Variants in MCTP1 observed in about 807,000 individuals in gnomAD.
The protein encoded by MCTP1 is multiple C2 and transmembrane domain-containing protein 1.
A neutral mutation model predicts 120.6 loss-of-function variants in MCTP1; 69 were observed. The observed-to-expected ratio is 0.57, with a 90% CI of 0.47 to 0.70. The LOEUF (loss-of-function observed/expected upper bound fraction) is 0.70, where lower values mean the gene tolerates loss of function less well. Ranked by LOEUF, MCTP1 falls within the 30% of genes least tolerant of loss-of-function variation. The probability of loss-of-function intolerance (pLI) is 0.00; values close to 1 mark genes in which losing one functional copy is unlikely to be tolerated. For synonymous variants in MCTP1, 529 were observed against 493.1 expected (o/e 1.07, Z -0.96); for missense variants, 1,203 against 1,248.8 (o/e 0.96, Z 0.55).
intron 12 of MCTP1, among the ~76,000 whole-genome samples, chr5:94,880,091 G>A (rs955592180): frequency 4.6e-5 from 7 of 152,062 alleles, no homozygotes; most frequent in Non-Finnish European, 7.4e-5. Context: ...AGAAGAGGCC[G>A]TGAGAAAATT....
intron 1 of MCTP1, among the ~76,000 whole-genome samples, chr5:95,267,588 A>G (rs1331162494): frequency 6.6e-6 from 1 of 152,242 alleles, no homozygotes; most frequent in Non-Finnish European, 1.5e-5. Flanking sequence ...AGGAAAACAT[A>G]GCTCCAACCT....
intron 2 of MCTP1, among the ~76,000 whole-genome samples, chr5:94,976,246 C>A (rs971231964): frequency 3.3e-5 from 5 of 152,058 alleles, no homozygotes; most frequent in Non-Finnish European, 7.4e-5. Context: ...AAATGGTCAG[C>A]CTGTCCTCGC....
intron 1 of MCTP1, among the ~76,000 whole-genome samples, chr5:95,071,254 G>A (rs1006348748): frequency 5.9e-5 from 9 of 152,188 alleles, no homozygotes; most frequent in Non-Finnish European, 1.2e-4. Context: ...GCCCAAGAGC[G>A]TCTGTCTGAG....
chr5:94,909,416 C>T, intron 9 of MCTP1, 35 bp from the exon 10 acceptor site: 1 of 1,557,502 alleles, frequency 6.4e-7, no homozygotes, highest in Non-Finnish European at 8.6e-7. Flanking sequence ...ATATTGCTAG[C>T]AGCTTTTTAA....
chr5:95,064,150 T>C (rs945836678), intron 1 of MCTP1, among the ~76,000 whole-genome samples: 1 of 152,236 alleles, frequency 6.6e-6, no homozygotes, highest in Non-Finnish European at 1.5e-5. Flanking sequence ...GTACATGCTT[T>C]AGGGTTGACA....
At chr5:95,000,920 T>C (rs1202248185) in intron 2 of MCTP1, among the ~76,000 whole-genome samples, 1 of 152,196 alleles carries the variant, frequency 6.6e-6, no homozygotes, top group Non-Finnish European at 1.5e-5. Flanking sequence ...GTTGATATTG[T>C]TTGGCTTTTT....
intron 2 of MCTP1, among the ~76,000 whole-genome samples, chr5:95,006,122 G>A (rs1834693361): frequency 6.6e-6 from 1 of 152,130 alleles, no homozygotes; most frequent in Non-Finnish European, 1.5e-5. Flanking sequence ...ACAGACAGTG[G>A]CCTGGCTGGG....
intron 1 of MCTP1, among the ~76,000 whole-genome samples, chr5:95,140,797 G>A (rs368451513): frequency 8.1e-4 from 115 of 141,450 alleles, no homozygotes; most frequent in African/African-American, 1.5e-3. Context: ...GGAGAATGGC[G>A]TGAACCCAGG....
intron 1 of MCTP1, among the ~76,000 whole-genome samples, chr5:95,234,562 T>G (rs1291593327): frequency 1.3e-5 from 2 of 152,202 alleles, no homozygotes; most frequent in Admixed American, 6.5e-5. Context: ...AACGCAGTTA[T>G]TGCTGTGAGT....
At chr5:94,819,198 G>A (rs959099219) in intron 17 of MCTP1, among the ~76,000 whole-genome samples, 8 of 151,018 alleles carry the variant, frequency 5.3e-5, no homozygotes, top group East Asian at 3.9e-4. Flanking sequence ...GCACGATCTC[G>A]GCTCACTGAA....
chr5:94,878,320 C>T (rs1581158462), intron 12 of MCTP1, among the ~76,000 whole-genome samples: 1 of 152,168 alleles, frequency 6.6e-6, no homozygotes, highest in East Asian at 1.9e-4. Context: ...CTGACCTAAA[C>T]ATATTTTAAA....
intron 1 of MCTP1, among the ~76,000 whole-genome samples, chr5:95,155,646 C>A (rs1306037184): frequency 1.3e-5 from 2 of 151,924 alleles, no homozygotes; most frequent in East Asian, 3.9e-4. Context: ...AATATAGCAA[C>A]CTATACACAA....
chr5:94,888,824 G>T, intron 12 of MCTP1, 55 bp downstream of exon 12: 1 of 1,055,890 alleles, frequency 9.5e-7, no homozygotes, highest in Non-Finnish European at 1.5e-6. Flanking sequence ...ATTAAATGGT[G>T]TAGACCTTGT....
chr5:95,266,782 C>T lies in MCTP1; in HGVS notation c.720+17074G>A, dbSNP rs564699314. ...AAAGCAGAGATTGGCAAACCTCAGT[C>T]GGGCAGGGCTTGGTACAATTTCTGA... On this transcript the variant is annotated intron_variant, in intron 1 of 22. Coordinates refer to ENST00000515393, the MANE Select transcript of MCTP1 (RefSeq NM_024717.7). Among the ~76,000 whole-genome samples, 9 of 152,260 alleles carry T rather than the reference C, an allele frequency of 5.9e-5. No individual in the cohort carries two copies. In the South Asian group the frequency reaches 1.2e-3, roughly 21 times the overall value.
chr5:95,220,335 CT>C (rs554157258), intron 1 of MCTP1, among the ~76,000 whole-genome samples: 349 of 142,448 alleles, frequency 2.5e-3, no homozygotes, highest in Admixed American at 3.9e-3. Context: ...TTTCTTCTTC[CT>C]TTTTTTTTTT....
In MCTP1 at chr5:94,953,326, C is replaced by T. The variant is rs775296758; in HGVS notation, c.874G>A (p.Gly292Arg). The T allele has an allele frequency of 4.3e-6, 7 of 1,609,508 alleles. No individual in the cohort carries two copies. Among genetic ancestry groups the T allele is most frequent in the Non-Finnish European group, 5.9e-6 (7 of 1,177,436 alleles). Residue 292 changes from glycine to arginine, a missense_variant, in exon 3 of 23, where the codon GGA becomes AGA. Physicochemically the swap from Gly to Arg is moderately radical, Grantham distance 125. Transcript: ENST00000515393. ...ATCTTACTTCTAAAAACTTCTTTTC[C>T]TCCGATTTTAAACTTCACATATGGA... ...SDPYVKFKIG[G>R]KEVFRSKIIH...
At chr5:94,847,672 G>GTATA in intron 17 of MCTP1, among the ~76,000 whole-genome samples, 1 of 137,986 alleles carries the variant, frequency 7.2e-6, no homozygotes, top group African/African-American at 3.0e-5. Context: ...GTGTGTGTGT[G>GTATA]TGTGTGTGTG....
At chr5:94,814,857 G>C (rs1347338666) in intron 17 of MCTP1, among the ~76,000 whole-genome samples, 1 of 152,148 alleles carries the variant, frequency 6.6e-6, no homozygotes, top group Non-Finnish European at 1.5e-5. Flanking sequence ...AGCACTACTG[G>C]ATAAATATGA....
intron 2 of MCTP1, among the ~76,000 whole-genome samples, chr5:94,973,379 T>C (rs570508154): frequency 6.6e-6 from 1 of 152,326 alleles, no homozygotes; most frequent in East Asian, 1.9e-4. Context: ...GACAAGATTG[T>C]ATACTAGGGA....
Sources: gnomAD v4.1 joint callset for allele counts (sites outside exome capture counted in the v4.1 genomes callset) on GRCh38, gnomAD v4.1.1 for gene constraint, MANE v1.5 for transcripts, NCBI Gene and HGNC (gene_info 2026-07-23, HGNC 2026-07-21) for gene names.